MAML3: variants seen among roughly 807,000 people sequenced by gnomAD.
The protein encoded by MAML3 is mastermind like transcriptional coactivator 3.
Under a neutral mutation model 101.9 loss-of-function variants are expected in MAML3, and 27 were observed. That is an observed-to-expected ratio of 0.27 (90% CI 0.20 to 0.37). The LOEUF is 0.37. Among genes scored for constraint, MAML3 ranks in the 10% least tolerant of loss-of-function variants. MAML3 has a pLI of 1.00. For missense variants in MAML3, 1,316 were observed against 1,444.9 expected, an observed-to-expected ratio of 0.91 and a Z score of 1.45; for synonymous variants, 501 against 555.9, an observed-to-expected ratio of 0.90 and a Z score of 1.39.
Position 139,801,643 on chromosome 4 carries a change from G to GTGTGTGTGTGTGT in MAML3, c.2080-70977_2080-70976insACACACACACACA, listed in dbSNP as rs1560798508. 4.5e-3 allele frequency among the ~76,000 whole-genome samples: 137 copies of GTGTGTGTGTGTGT among 30,750 alleles called. 2 individuals are homozygous for GTGTGTGTGTGTGT. Among genetic ancestry groups the GTGTGTGTGTGTGT allele is most frequent in the African/African-American group, 0.011 (128 of 11,570 alleles). 20.2% of individuals were successfully genotyped at this position (30,750 alleles called of 152,430 possible). On this transcript the variant is annotated intron_variant, in intron 2 of 4. Coordinates refer to ENST00000509479, the MANE Select transcript of MAML3 (RefSeq NM_018717.5). The stretch of plus-strand genomic sequence containing the variant: ...AAAGAGCAGGAACAGGGTGTGTGTG[G>GTGTGTGTGTGTGT]GTGTGTGTGTGTGTGTGTGTGTGTG...
chr4:140,006,585 CA>C lies in MAML3; in HGVS notation c.469-115619del, dbSNP rs34273207. Reference sequence around the variant, plus strand: ...TGGGTGACAGAGCGAAACTCTGTCTCAAAAAAAAAAAAAAAAAAGTGAAAAA... The same window carrying C: ...TGGGTGACAGAGCGAAACTCTGTCTCAAAAAAAAAAAAAAAAAGTGAAAAA... On this transcript the variant is annotated intron_variant, in intron 1 of 4. Transcript: ENST00000509479. Among the ~76,000 whole-genome samples, 211 of 93,292 alleles carry C rather than the reference CA, an allele frequency of 2.3e-3. 1 individual carries two copies. Among genetic ancestry groups the C allele is most frequent in the African/African-American group, 5.0e-3 (122 of 24,618 alleles). 61.2% of individuals were successfully genotyped at this position (93,292 alleles called of 152,430 possible). A position where few individuals can be genotyped will look rare whatever the true frequency, so the allele number is the denominator to read the frequency against.
At chr4:140,049,100 C>T (rs1021389647) in intron 1 of MAML3, among the ~76,000 whole-genome samples, 1 of 152,144 alleles carries the variant, frequency 6.6e-6, no homozygotes, top group African/African-American at 2.4e-5. Flanking sequence ...CAGAAAGAAG[C>T]GCATCTGCTG....
At chr4:140,107,623 C>G (rs777166665) in intron 1 of MAML3, among the ~76,000 whole-genome samples, 1 of 151,448 alleles carries the variant, frequency 6.6e-6, no homozygotes, top group Non-Finnish European at 1.5e-5. Context: ...TCCTGCCTCA[C>G]CCTCCTGAGT....
At chr4:140,083,963 CACACAGAGAGAGAGAGAGAGAGAG>C (rs1200471403) in intron 1 of MAML3, among the ~76,000 whole-genome samples, 2 of 67,402 alleles carry the variant, frequency 3.0e-5, no homozygotes, top group Admixed American at 1.5e-4. Flanking sequence ...CACACACACA[CACACAGAGAGAGAGAGAGAGAGAG>C]AGAGAGAGAG....
At chr4:139,881,476 A>G (rs1261972754) in intron 2 of MAML3, among the ~76,000 whole-genome samples, 3 of 152,134 alleles carry the variant, frequency 2.0e-5, no homozygotes, top group Admixed American at 6.6e-5. Flanking sequence ...CAATCTACAA[A>G]CATTGACCCA....
intron 1 of MAML3, among the ~76,000 whole-genome samples, chr4:139,991,084 G>A (rs150581117): frequency 0.011 from 1,680 of 152,168 alleles, 39 homozygotes; most frequent in African/African-American, 0.038. Context: ...AAGAGAGCCC[G>A]CATCTCCAAG....
chr4:139,857,652 C>T (rs1323931756), intron 2 of MAML3, among the ~76,000 whole-genome samples: 1 of 152,184 alleles, frequency 6.6e-6, no homozygotes, highest in African/African-American at 2.4e-5. Context: ...CATCCTTGAG[C>T]AGCTCTGAAT....
At chr4:140,120,032 T>A (rs1232847490) in intron 1 of MAML3, among the ~76,000 whole-genome samples, 1 of 151,732 alleles carries the variant, frequency 6.6e-6, no homozygotes, top group Non-Finnish European at 1.5e-5. Flanking sequence ...GGTCAGGAGA[T>A]CGAGACCATC....
intron 2 of MAML3, among the ~76,000 whole-genome samples, chr4:139,762,354 C>G (rs1729774371): frequency 6.6e-6 from 1 of 152,134 alleles, no homozygotes; most frequent in Admixed American, 6.6e-5. Flanking sequence ...ATGCTTAGAG[C>G]ACTTGGCCCT....
chr4:139,939,104 C>A (rs1035539812), intron 1 of MAML3, among the ~76,000 whole-genome samples: 3 of 152,230 alleles, frequency 2.0e-5, no homozygotes, highest in Non-Finnish European at 2.9e-5. Context: ...AGACCTATAG[C>A]TGTTATCACT....
intron 1 of MAML3, among the ~76,000 whole-genome samples, chr4:140,008,923 C>T (rs1250951469): frequency 6.6e-6 from 1 of 152,104 alleles, no homozygotes; most frequent in Non-Finnish European, 1.5e-5. Flanking sequence ...GAAAAGGGAC[C>T]GCAAAATTGT....
chr4:139,813,260 C>T (rs1013351902), intron 2 of MAML3, among the ~76,000 whole-genome samples: 1 of 152,028 alleles, frequency 6.6e-6, no homozygotes, highest in African/African-American at 2.4e-5. Flanking sequence ...TAGAGAACAT[C>T]ATAAAATTAT....
intron 1 of MAML3, among the ~76,000 whole-genome samples, chr4:140,147,638 T>C (rs906569235): frequency 3.3e-5 from 5 of 152,232 alleles, no homozygotes; most frequent in Admixed American, 2.0e-4. Context: ...TATGAAAATC[T>C]TGACAGTGAG....
chr4:140,061,895 A>G (rs1727452838), intron 1 of MAML3, among the ~76,000 whole-genome samples: 2 of 152,212 alleles, frequency 1.3e-5, no homozygotes, highest in South Asian at 4.1e-4. Flanking sequence ...TATGAGAGCT[A>G]CATTGAATCA....
intron 1 of MAML3, among the ~76,000 whole-genome samples, chr4:139,980,945 A>G (rs2110809151): frequency 6.6e-6 from 1 of 152,344 alleles, no homozygotes; most frequent in South Asian, 2.1e-4. Context: ...CTGAATTACA[A>G]GAAGAGTTCC....
At chr4:139,810,785 G>A (rs1730783464) in intron 2 of MAML3, among the ~76,000 whole-genome samples, 1 of 152,168 alleles carries the variant, frequency 6.6e-6, no homozygotes, top group East Asian at 1.9e-4. Context: ...AGACACCACT[G>A]GCTGCCTAGC....
intron 1 of MAML3, among the ~76,000 whole-genome samples, chr4:140,087,028 T>C (rs1366200360): frequency 6.6e-6 from 1 of 152,108 alleles, no homozygotes; most frequent in Non-Finnish European, 1.5e-5. Flanking sequence ...GGCATAGTGG[T>C]GCGTGCCTGT....
intron 3 of MAML3, among the ~76,000 whole-genome samples, 198 bp from the exon 4 acceptor site, chr4:139,726,033 C>A (rs977993903): frequency 3.3e-5 from 5 of 152,234 alleles, no homozygotes; most frequent in Admixed American, 2.0e-4. Context: ...ACACTCAGGG[C>A]CACCAGCCCC....
chr4:139,809,676 C>T (rs1420634152), intron 2 of MAML3, among the ~76,000 whole-genome samples: 3 of 152,256 alleles, frequency 2.0e-5, no homozygotes, highest in East Asian at 3.9e-4. Flanking sequence ...TGTTCTCACC[C>T]TCTGAGACCC....
Sources: allele counts gnomAD v4.1 joint callset (sites outside exome capture counted in the v4.1 genomes callset), GRCh38; gene constraint gnomAD v4.1.1; transcripts MANE v1.5; gene names NCBI Gene and HGNC (gene_info 2026-07-23, HGNC 2026-07-21).